Variants in RARB observed in about 807,000 individuals in gnomAD.
The protein encoded by RARB is HBV-activated protein.
Under a neutral mutation model 51.9 loss-of-function variants are expected in RARB, and 17 were observed. The ratio of observed to expected loss-of-function variants is 0.33; its 90% confidence interval spans 0.22 to 0.49. The LOEUF (loss-of-function observed/expected upper bound fraction) is 0.49. RARB is among the 20% of genes least tolerant of loss of function. The pLI is 0.99. For missense variants in RARB, 369 were observed against 550.8 expected (o/e 0.67, Z 3.30); for synonymous variants, 215 against 195.4 (o/e 1.10, Z -0.84).
At chr3:25,325,155 C>T (rs1460346106) in intron 5 of RARB, among the ~76,000 whole-genome samples, 1 of 152,176 alleles carries the variant, frequency 6.6e-6, no homozygotes, top group East Asian at 1.9e-4. Flanking sequence ...ATTCCCAGAA[C>T]TGAGGATCCC....
chr3:25,497,689 C>T (rs1319948013), intron 2 of RARB, among the ~76,000 whole-genome samples: 1 of 152,172 alleles, frequency 6.6e-6, no homozygotes, highest in African/African-American at 2.4e-5. Context: ...GCGTTCAACT[C>T]CTAATCCAGG....
At chr3:25,088,529 G>T (rs966736412) in intron 3 of RARB, among the ~76,000 whole-genome samples, 2 of 152,138 alleles carry the variant, frequency 1.3e-5, no homozygotes, top group African/African-American at 4.8e-5. Context: ...ATGTAGTGGA[G>T]CATTCTCAAG....
intron 2 of RARB, among the ~76,000 whole-genome samples, chr3:24,977,290 C>G (rs1201387172): frequency 1.3e-5 from 2 of 152,044 alleles, no homozygotes; most frequent in Non-Finnish European, 2.9e-5. Flanking sequence ...TTTTCCAATT[C>G]TGTGAAGAAA....
intron 2 of RARB, among the ~76,000 whole-genome samples, chr3:24,953,417 C>G (rs1248947025): frequency 2.0e-5 from 3 of 152,194 alleles, no homozygotes; most frequent in South Asian, 4.1e-4. Flanking sequence ...CTTTAAAGAA[C>G]CAGGGCCTCA....
rs376055233 is a variant in RARB at position 25,584,217 on chromosome 3, G to A, written c.786+3495G>A. On this transcript the variant is annotated intron_variant, in intron 5 of 7. Coordinates refer to ENST00000330688, the MANE Select transcript of RARB (RefSeq NM_000965.5). ...ATCTGTTGATGACCTACTGTGTGCC[G>A]CGCACTATTCTAGGCTCTGAGGAGG... 7.9e-5 allele frequency among the ~76,000 whole-genome samples: 12 copies of A among 152,098 alleles called. No homozygotes were observed. The East Asian group carries it at 1.5e-3, about 20-fold the overall frequency.
chr3:25,070,319 G>T (rs988758180), intron 3 of RARB, among the ~76,000 whole-genome samples: 2 of 152,254 alleles, frequency 1.3e-5, no homozygotes, highest in Admixed American at 6.5e-5. Flanking sequence ...AGAGGGGTAG[G>T]TCTTAAACCT....
chr3:24,987,056 T>C (rs749827670), intron 2 of RARB, among the ~76,000 whole-genome samples: 1 of 152,204 alleles, frequency 6.6e-6, no homozygotes, highest in African/African-American at 2.4e-5. Flanking sequence ...AAAAACAATC[T>C]AATTTAATCA....
At chr3:24,999,081 C>CT (rs1697103552) in intron 2 of RARB, among the ~76,000 whole-genome samples, 1 of 152,086 alleles carries the variant, frequency 6.6e-6, no homozygotes, top group Admixed American at 6.6e-5. Context: ...GTATAATGTA[C>CT]TTTTCTGCAT....
intron 3 of RARB, among the ~76,000 whole-genome samples, chr3:25,512,001 C>T (rs1290838445): frequency 1.3e-5 from 2 of 152,186 alleles, no homozygotes; most frequent in Non-Finnish European, 2.9e-5. Flanking sequence ...CCACCACTTA[C>T]TTAGCTCTGT....
intron 5 of RARB, among the ~76,000 whole-genome samples, chr3:25,319,772 AAGG>A (rs1704517512): frequency 6.6e-6 from 1 of 152,208 alleles, no homozygotes; most frequent in Non-Finnish European, 1.5e-5. Flanking sequence ...GCCATCCAGA[AAGG>A]AGAGATATTC....
At chr3:25,004,986 T>G (rs4547662) in intron 2 of RARB, among the ~76,000 whole-genome samples, 66,293 of 151,678 alleles carry the variant, frequency 0.44, 15,916 homozygotes, top group East Asian at 0.59. Flanking sequence ...TTGCTAGTCT[T>G]GTAGTCATTC....
At chr3:25,115,908 G>T (rs1177320107) in intron 3 of RARB, among the ~76,000 whole-genome samples, 2 of 152,086 alleles carry the variant, frequency 1.3e-5, no homozygotes, top group East Asian at 1.9e-4. Context: ...TGGGGTTACA[G>T]GCATGAGGCT....
intron 5 of RARB, among the ~76,000 whole-genome samples, chr3:25,357,242 G>A (rs1242786751): frequency 1.3e-5 from 2 of 152,170 alleles, no homozygotes; most frequent in Non-Finnish European, 2.9e-5. Flanking sequence ...TTGTGGTTTT[G>A]ATTTGCATTT....
chr3:24,972,764 A>G (rs1286814234), intron 2 of RARB, among the ~76,000 whole-genome samples: 1 of 151,916 alleles, frequency 6.6e-6, no homozygotes, highest in Non-Finnish European at 1.5e-5. Flanking sequence ...ATTTTTTCAT[A>G]TACCCCGTGG....
chr3:25,513,435 G>C (rs576335300), intron 3 of RARB, among the ~76,000 whole-genome samples: 1 of 152,134 alleles, frequency 6.6e-6, no homozygotes, highest in African/African-American at 2.4e-5. Flanking sequence ...ATTTGAACAC[G>C]TGAACTTAAA....
At chr3:25,177,351 T>C (rs2649618) in intron 5 of RARB, among the ~76,000 whole-genome samples, 48,708 of 152,034 alleles carry the variant, frequency 0.32, 7,960 homozygotes, top group South Asian at 0.51. Flanking sequence ...GGTAGCCAAA[T>C]TCTGTAAAGA....
At chr3:24,846,443 C>A (rs1408118207) in intron 1 of RARB, among the ~76,000 whole-genome samples, 1 of 152,110 alleles carries the variant, frequency 6.6e-6, no homozygotes, top group East Asian at 1.9e-4. Context: ...GGATATGTGG[C>A]CTTATGTTAT....
intron 2 of RARB, among the ~76,000 whole-genome samples, chr3:24,907,407 A>T (rs1694890295): frequency 6.6e-6 from 1 of 152,224 alleles, no homozygotes; most frequent in Non-Finnish European, 1.5e-5. Context: ...GTTAGTTACA[A>T]GATGACTGAG....
intron 5 of RARB, among the ~76,000 whole-genome samples, chr3:25,350,722 C>A (rs578192114): frequency 6.6e-6 from 1 of 152,194 alleles, no homozygotes. Flanking sequence ...ATATTTATTG[C>A]ATGAATGATT....
Sources: gnomAD v4.1 joint callset for allele counts (sites outside exome capture counted in the v4.1 genomes callset) on GRCh38, gnomAD v4.1.1 for gene constraint, MANE v1.5 for transcripts, NCBI Gene and HGNC (gene_info 2026-07-23, HGNC 2026-07-21) for gene names.